The following PRPF8 variants were observed in gnomAD, a reference collection of about 807,000 sequenced individuals.
PRPF8 encodes the protein pre-mRNA processing factor 8, also known as pre-mRNA-processing-splicing factor 8.
In PRPF8, 64 loss-of-function variants were observed where a neutral mutation model predicts 285.9. The observed-to-expected ratio is 0.22, with a 90% CI of 0.18 to 0.28. The LOEUF is 0.28. PRPF8 is among the 10% of genes least tolerant of loss of function. The probability of loss-of-function intolerance (pLI) is 1.00; values close to 1 mark genes in which losing one functional copy is unlikely to be tolerated. For missense variants in PRPF8, 1,426 were observed against 3,026.7 expected, an observed-to-expected ratio of 0.47 and a Z score of 12.41; for synonymous variants, 1,325 against 1,118.2, an observed-to-expected ratio of 1.18 and a Z score of -3.69.
At chr17:1,657,969 TAAAAAAAA>T (rs58695090) in intron 34 of PRPF8, among the ~76,000 whole-genome samples, 1 of 94,052 alleles carries the variant, frequency 1.1e-5, no homozygotes, top group Non-Finnish European at 2.4e-5. Context: ...AGACTCCGGC[TAAAAAAAA>T]AAAAAAAAAA....
Position 1,681,501 on chromosome 17 carries a change from A to G in PRPF8, c.843T>C (p.Pro281=). The change falls in exon 6 of 43, where the codon CCT becomes CCC. Residue 281 remains proline, a synonymous_variant. Coordinates refer to ENST00000304992, the MANE Select transcript of PRPF8 (RefSeq NM_006445.4). Reference sequence around the variant, plus strand: ...ACTGTAGGTTGATGTCTCGAACAAGAGGTTCAAATTTGGGGCCTCCAGGAA... The same window carrying G: ...ACTGTAGGTTGATGTCTCGAACAAGGGGTTCAAATTTGGGGCCTCCAGGAA... ...MAIPGGPKFE[P]LVRDINLQDE... 6.2e-7 allele frequency: 1 copy of G among 1,604,038 alleles called. No homozygotes were observed. The highest frequency in any genetic ancestry group is 8.5e-7 in the Non-Finnish European group (1 of 1,170,842).
rs116021866 is a variant in PRPF8, at chr17:1,651,051, G to A, written c.6853+57C>T. ...CAGCCAGGCCCCAAGTGCAAAGGGC[G>A]ATGGCCTCACCTTATCCCTACTGCT... On this transcript the variant is annotated intron_variant, in intron 42 of 42. Coordinates refer to ENST00000304992, the MANE Select transcript of PRPF8 (RefSeq NM_006445.4). This position sits in a 1 kb window ranked among gnomAD's most constrained non-coding sequence, Gnocchi z 5.1. The A allele has an allele frequency of 2.5e-3, 4,052 of 1,613,496 alleles. 86 individuals carry two copies. The African/African-American group carries it at 0.048, about 19-fold the overall frequency.
At chr17:1,662,272 T>A in intron 24 of PRPF8, 119 bp from the exon 25 acceptor site, 1 of 1,148,602 alleles carries the variant, frequency 8.7e-7, no homozygotes, top group Non-Finnish European at 1.3e-6. Context: ...TCAACATCAT[T>A]AGTCACTAGG....
intron 13 of PRPF8, 189 bp downstream of exon 13, chr17:1,678,329 A>C (rs555349703): frequency 6.3e-5 from 42 of 666,616 alleles, no homozygotes; most frequent in East Asian, 4.9e-4. Flanking sequence ...CAAAACAAAA[A>C]AAAAATTGCC....
Position 1,661,425 on chromosome 17 carries a change from T to A in PRPF8, c.4203-19A>T, listed in dbSNP as rs1911670478. 6.2e-7 allele frequency: 1 copy of A among 1,614,114 alleles called. No individual in the cohort carries two copies. Among genetic ancestry groups the A allele is most frequent in the Non-Finnish European group, 8.5e-7 (1 of 1,180,042 alleles). On this transcript the variant is annotated intron_variant, in intron 26 of 42. Transcript: ENST00000304992. The surrounding 1 kb of genome is among the most constrained non-coding windows in gnomAD (Gnocchi z 7.3). ...CAGGCGTCTTCCAAAAAAAGAAAGA[T>A]TCAAGTCAAAACGTGATCTCATATG...
chr17:1,676,115 CTG>C lies in PRPF8; in HGVS notation c.2553-63_2553-62del, dbSNP rs1423399627. The C allele has an allele frequency of 1.2e-6, 2 of 1,611,862 alleles. No individual in the cohort carries two copies. The highest frequency in any genetic ancestry group is 1.7e-5 in the Admixed American group (1 of 59,986). On this transcript the variant is annotated intron_variant, in intron 17 of 42. Transcript: ENST00000304992. The surrounding 1 kb of genome is among the most constrained non-coding windows in gnomAD (Gnocchi z 6.3). ...TAGGAGGAAGTAAAACCAGGAAAGACTGGGGCTACACCTTCTTTCTTTGGACT... is the reference window on the plus strand; with the variant it reads ...TAGGAGGAAGTAAAACCAGGAAAGACGGGCTACACCTTCTTTCTTTGGACT...
At chr17:1,684,447 G>A (rs967506653) in intron 2 of PRPF8, 25 bp downstream of exon 2, 11 of 1,611,490 alleles carry the variant, frequency 6.8e-6, no homozygotes, top group Non-Finnish European at 9.3e-6. Context: ...TCCGGCCCGC[G>A]CGCCGCTCCA....
At position 1,684,583 on chromosome 17, in the gene PRPF8, C is replaced by T. The variant is rs1295214130; in HGVS notation, c.-11-1G>A. On this transcript the variant is annotated splice_acceptor_variant, in intron 1 of 42. Coordinates refer to ENST00000304992, the MANE Select transcript of PRPF8 (RefSeq NM_006445.4). LOFTEE classifies it low-confidence loss of function (5UTR_SPLICE). ...AACACTCCGGCCATATCCGGAGAAT[C>T]TGGGGAGCGGCGGGATAGAAAAATT... 4.3e-6 allele frequency: 7 copies of T among 1,612,118 alleles called. No individual in the cohort carries two copies. The highest frequency in any genetic ancestry group is 1.7e-5 in the Admixed American group (1 of 59,998).
chr17:1,680,065 G>T (rs542735177), intron 8 of PRPF8, among the ~76,000 whole-genome samples: 7 of 152,124 alleles, frequency 4.6e-5, no homozygotes, highest in Non-Finnish European at 1.0e-4. Flanking sequence ...CATCACAGGA[G>T]GTCAACATTG....
chr17:1,676,592 C>G lies in PRPF8; in HGVS notation c.2301G>C (p.Val767=). Reference sequence around the variant, plus strand: ...GATTCTTTTTACAAACAGTCTTGTCCACAGTGGCCCCTCGGCGGATCCGTT... The same window carrying G: ...GATTCTTTTTACAAACAGTCTTGTCGACAGTGGCCCCTCGGCGGATCCGTT... ...NRERIRRGAT[V]DKTVCKKNLG... Residue 767 remains valine, a synonymous_variant, in exon 16 of 43, where the codon GTG becomes GTC. Coordinates refer to ENST00000304992, the MANE Select transcript of PRPF8 (RefSeq NM_006445.4). The surrounding 1 kb of genome is among the most constrained non-coding windows in gnomAD (Gnocchi z 6.3). 1 of 1,614,138 alleles carries G rather than the reference C, an allele frequency of 6.2e-7. No homozygotes were observed. Among genetic ancestry groups the G allele is most frequent in the Non-Finnish European group, 8.5e-7 (1 of 1,180,030 alleles).
At chr17:1,683,730 G>C (rs1913065916) in intron 2 of PRPF8, 29 bp from the exon 3 acceptor site, 1 of 1,612,624 alleles carries the variant, frequency 6.2e-7, no homozygotes, top group Non-Finnish European at 8.5e-7. Flanking sequence ...TTAAAGGCCT[G>C]CACACCCTCC....
At position 1,660,438 on chromosome 17, in the gene PRPF8, T is replaced by G; in HGVS notation, c.4779A>C (p.Leu1593Phe). Residue 1593 changes from leucine to phenylalanine, a missense_variant, in exon 30 of 43, where the codon TTA (leucine) becomes TTC (phenylalanine). Leu to Phe is a conservative substitution (Grantham distance 22, BLOSUM62 0). Transcript: ENST00000304992. ...QKIHESIVMD[L>F]CQVFDQELDA... is the part of the protein sequence containing the mutation. ...CCCCTCGATTCCAGCCCACCTGACATAAGTCCATAACAATGCTCTCATGGA... is the reference window on the plus strand; with the variant it reads ...CCCCTCGATTCCAGCCCACCTGACAGAAGTCCATAACAATGCTCTCATGGA... The G allele has an allele frequency of 6.2e-7, 1 of 1,614,050 alleles. No individual in the cohort carries two copies. The highest frequency in any genetic ancestry group is 8.5e-7 in the Non-Finnish European group (1 of 1,180,024).
chr17:1,653,114 A>G lies in PRPF8; in HGVS notation c.6369+428T>C. ...CCACCATGCCTGGCTAATTTTTTGT[A>G]TTTTTAGTAGAGACAGGGTTTCACC... is the stretch of plus-strand genomic sequence containing the variant. On this transcript the variant is annotated intron_variant, in intron 39 of 42. Coordinates refer to ENST00000304992, the MANE Select transcript of PRPF8 (RefSeq NM_006445.4). The surrounding 1 kb of genome is among the most constrained non-coding windows in gnomAD (Gnocchi z 4.9). 1 of 285,710 alleles carries G rather than the reference A, an allele frequency of 3.5e-6. No individual in the cohort carries two copies. 17.7% of individuals were successfully genotyped at this position (285,710 alleles called of 1,614,324 possible). A position where few individuals can be genotyped will look rare whatever the true frequency, so the allele number is the denominator to read the frequency against.
rs1269793413 is a variant in PRPF8 at position 1,670,876 on chromosome 17, CA to C, written c.3774+2204del. 5.3e-5 allele frequency among the ~76,000 whole-genome samples: 8 copies of C among 151,658 alleles called. No homozygotes were observed. In the East Asian group the frequency reaches 1.2e-3, roughly 22 times the overall value. On this transcript the variant is annotated intron_variant, in intron 24 of 42. Transcript: ENST00000304992. ...TTCAGGTCCATCTTTCTCACAGCTGCAAGAGTGAATCATCTAACACAGAAAT... is the reference window on the plus strand; with the variant it reads ...TTCAGGTCCATCTTTCTCACAGCTGCAGAGTGAATCATCTAACACAGAAAT...
chr17:1,652,270 A>G, intron 39 of PRPF8: 1 of 284,638 alleles, frequency 3.5e-6, no homozygotes, highest in Non-Finnish European at 6.9e-6. Context: ...ATGGAGTCTC[A>G]CTCTGTCAGC....
At chr17:1,668,485 C>G (rs186976275) in intron 24 of PRPF8, among the ~76,000 whole-genome samples, 2,302 of 151,852 alleles carry the variant, frequency 0.015, 26 homozygotes, top group Middle Eastern at 0.061. Flanking sequence ...CATCAGCCCC[C>G]CTGAGTAGCT....
chr17:1,657,518 C>T, intron 34 of PRPF8, among the ~76,000 whole-genome samples: 1 of 151,216 alleles, frequency 6.6e-6, no homozygotes, highest in Non-Finnish European at 1.5e-5. Flanking sequence ...TGGTGGCGGG[C>T]ACCTGTAGTC....
Position 1,651,255 on chromosome 17 carries a change from C to T in PRPF8, c.6706G>A (p.Glu2236Lys), listed in dbSNP as rs1911039862. 2 of 1,614,092 alleles carry T rather than the reference C, an allele frequency of 1.2e-6. No homozygotes were observed. Among genetic ancestry groups the T allele is most frequent in the Non-Finnish European group, 8.5e-7 (1 of 1,180,014 alleles). ...TTGTCTGTGTTCTGGCGGCCCCATT[C>T]GTAGCCACTGGGGGTCAGCTTGTAG... Reference protein sequence around the residue: ...TAYKLTPSGYEWGRQNTDKGN... With the variant: ...TAYKLTPSGYKWGRQNTDKGN... The change falls in exon 42 of 43, where the codon GAA (glutamate) becomes AAA (lysine). Residue 2236 changes from glutamate (E) to lysine (K), a missense_variant. This residue lies in a region of PRPF8 where 160 missense variants were observed against 373.7 expected (regional missense o/e 0.43). Transcript: ENST00000304992. This position sits in a 1 kb window ranked among gnomAD's most constrained non-coding sequence, Gnocchi z 5.1.
chr17:1,667,196 G>A (rs528677108), intron 24 of PRPF8, among the ~76,000 whole-genome samples: 3 of 152,236 alleles, frequency 2.0e-5, no homozygotes, highest in African/African-American at 7.2e-5. Flanking sequence ...AGGGCCAGGG[G>A]CCAGGATAGG....
Sources: gnomAD v4.1 joint callset for allele counts (sites outside exome capture counted in the v4.1 genomes callset) on GRCh38, gnomAD v4.1.1 for gene constraint, gnomAD v4.1.1 regional missense constraint, Gnocchi (gnomAD v3.1) non-coding constraint, MANE v1.5 for transcripts, NCBI Gene and HGNC (gene_info 2026-07-23, HGNC 2026-07-21) for gene names.